The following FSTL5 variants were observed in gnomAD, a reference collection of about 807,000 sequenced individuals.
The protein encoded by FSTL5 is follistatin like 5, also known as follistatin-related protein 5.
Under a neutral mutation model 89.1 loss-of-function variants are expected in FSTL5, and 62 were observed. The ratio of observed to expected loss-of-function variants is 0.70; its 90% CI spans 0.57 to 0.86. The LOEUF is 0.86. Ranked by LOEUF, FSTL5 falls within the 40% of genes least tolerant of loss-of-function variation. The pLI is 0.00. For synonymous variants in FSTL5, 383 were observed against 346.2 expected (o/e 1.11, Z -1.18); for missense variants, 1,057 against 1,001.6 (o/e 1.06, Z -0.75).
intron 10 of FSTL5, among the ~76,000 whole-genome samples, chr4:161,522,823 T>A (rs1731084981): frequency 1.3e-5 from 2 of 151,698 alleles, no homozygotes; most frequent in South Asian, 4.1e-4. Flanking sequence ...TTATTTGAAG[T>A]TTAAAATATT....
chr4:161,611,441 T>C (rs1734648982), intron 7 of FSTL5, among the ~76,000 whole-genome samples: 1 of 151,888 alleles, frequency 6.6e-6, no homozygotes, highest in South Asian at 2.1e-4. Context: ...CTACGTACAC[T>C]CTTATAGTAA....
intron 3 of FSTL5, among the ~76,000 whole-genome samples, chr4:161,940,535 TA>T (rs528231316): frequency 0.02 from 2,878 of 144,910 alleles, 91 homozygotes; most frequent in African/African-American, 0.067. Flanking sequence ...TTGCCCTATT[TA>T]AAAAAAAAAA....
chr4:162,087,305 A>C (rs2037901303), intron 2 of FSTL5, among the ~76,000 whole-genome samples: 1 of 152,126 alleles, frequency 6.6e-6, no homozygotes, highest in Non-Finnish European at 1.5e-5. Flanking sequence ...GAGCAAAGAA[A>C]TGTTTAACTA....
chr4:162,025,008 G>A (rs559289403), intron 3 of FSTL5, among the ~76,000 whole-genome samples: 10 of 151,862 alleles, frequency 6.6e-5, no homozygotes, highest in African/African-American at 1.9e-4. Flanking sequence ...AGAGAATAAC[G>A]CTTTACTTCC....
chr4:161,696,046 A>G (rs768915531), intron 6 of FSTL5, among the ~76,000 whole-genome samples: 1 of 152,168 alleles, frequency 6.6e-6, no homozygotes, highest in Non-Finnish European at 1.5e-5. Context: ...GCCAATGTCT[A>G]GAAGGGTTTT....
intron 4 of FSTL5, among the ~76,000 whole-genome samples, chr4:161,856,681 T>C (rs1378028983): frequency 6.8e-6 from 1 of 147,284 alleles, no homozygotes; most frequent in Non-Finnish European, 1.5e-5. Context: ...TATATATAAA[T>C]ATGTATATAT....
At chr4:161,562,919 C>T (rs913924568) in intron 8 of FSTL5, among the ~76,000 whole-genome samples, 7 of 151,906 alleles carry the variant, frequency 4.6e-5, no homozygotes, top group Admixed American at 6.6e-5. Context: ...TTGTAGTTGG[C>T]TTATTTCACT....
chr4:161,778,845 A>G (rs7687422), intron 4 of FSTL5, among the ~76,000 whole-genome samples: 2 of 152,034 alleles, frequency 1.3e-5, no homozygotes, highest in Non-Finnish European at 2.9e-5. Context: ...TATTTATCTG[A>G]GTGCACAGGT....
Position 161,807,226 on chromosome 4 carries a change from CACAT to C in FSTL5, c.410-31156_410-31153del, listed in dbSNP as rs1458426375. On this transcript the variant is annotated intron_variant, in intron 4 of 15. Coordinates refer to ENST00000306100, the MANE Select transcript of FSTL5 (RefSeq NM_020116.5). ...ACACACACACACACACACACACACACACATATATATTTGTAGAGATGCAGAGATG... is the reference window on the plus strand; with the variant it reads ...ACACACACACACACACACACACACACATATATTTGTAGAGATGCAGAGATG... 9.4e-5 allele frequency among the ~76,000 whole-genome samples: 13 copies of C among 138,080 alleles called. No individual in the cohort carries two copies. The East Asian group carries it at 1.9e-3, about 20-fold the overall frequency. The allele number at this position is 138,080 out of a possible 152,430, so 90.6% of individuals were successfully genotyped here. A position where few individuals can be genotyped will look rare whatever the true frequency, so the allele number is the denominator to read the frequency against.
At chr4:161,612,760 A>G (rs915555791) in intron 7 of FSTL5, among the ~76,000 whole-genome samples, 3 of 152,196 alleles carry the variant, frequency 2.0e-5, no homozygotes, top group African/African-American at 7.2e-5. Flanking sequence ...GGAGTTGTAG[A>G]GAACAGTATT....
chr4:161,587,596 C>T (rs758725849), intron 7 of FSTL5, 21 bp from the exon 8 acceptor site: 12 of 1,570,920 alleles, frequency 7.6e-6, no homozygotes, highest in Non-Finnish European at 9.5e-6. Flanking sequence ...TAAAATAAAA[C>T]AAGGTGTTTG....
intron 3 of FSTL5, among the ~76,000 whole-genome samples, chr4:161,926,190 T>C (rs1382380956): frequency 1.3e-5 from 2 of 152,002 alleles, no homozygotes; most frequent in East Asian, 3.9e-4. Context: ...ATAATTGGGA[T>C]GTGTGTTTCC....
Position 161,840,411 on chromosome 4 carries a change from TA to T in FSTL5, c.410-64338del, listed in dbSNP as rs755901504. Reference sequence around the variant, plus strand: ...ATCTACATATCTAAAACAACCGTTATACTCTGTTTAGAGGGTTATATTATAA... The same window carrying T: ...ATCTACATATCTAAAACAACCGTTATCTCTGTTTAGAGGGTTATATTATAA... On this transcript the variant is annotated intron_variant, in intron 4 of 15. Coordinates refer to ENST00000306100, the MANE Select transcript of FSTL5 (RefSeq NM_020116.5). Among the ~76,000 whole-genome samples the T allele has an allele frequency of 1.2e-4, 18 of 152,338 alleles. No individual in the cohort carries two copies. The South Asian group carries it at 2.3e-3, about 19-fold the overall frequency.
chr4:161,665,097 C>A (rs1479727997), intron 6 of FSTL5, among the ~76,000 whole-genome samples: 3 of 152,154 alleles, frequency 2.0e-5, no homozygotes, highest in Non-Finnish European at 4.4e-5. Flanking sequence ...ATGTCAGTCA[C>A]TTAACAATGA....
At chr4:161,592,780 T>A (rs1733870406) in intron 7 of FSTL5, among the ~76,000 whole-genome samples, 1 of 152,274 alleles carries the variant, frequency 6.6e-6, no homozygotes, top group Admixed American at 6.5e-5. Context: ...ATCCTTTGGG[T>A]ATAACCCAGC....
intron 2 of FSTL5, among the ~76,000 whole-genome samples, chr4:162,077,878 C>A (rs1435716403): frequency 1.3e-5 from 2 of 151,806 alleles, no homozygotes; most frequent in East Asian, 3.9e-4. Flanking sequence ...TTAAACAAAG[C>A]ACTCAAGTTG....
At chr4:161,402,438 C>CACAT (rs1731215489) in intron 15 of FSTL5, among the ~76,000 whole-genome samples, 1 of 152,048 alleles carries the variant, frequency 6.6e-6, no homozygotes, top group Admixed American at 6.6e-5. Context: ...GAAACAATGC[C>CACAT]ACATTGTGTT....
chr4:162,114,484 C>G (rs1045107192), intron 1 of FSTL5, among the ~76,000 whole-genome samples: 2 of 151,604 alleles, frequency 1.3e-5, no homozygotes, highest in African/African-American at 4.8e-5. Flanking sequence ...TGCCCTCCCT[C>G]TCCTTTTCTC....
chr4:161,826,422 T>C (rs910869227), intron 4 of FSTL5, among the ~76,000 whole-genome samples: 3 of 151,178 alleles, frequency 2.0e-5, no homozygotes, highest in African/African-American at 7.4e-5. Context: ...AAATCCATTG[T>C]TTTTTTTGTT....
Sources: allele counts gnomAD v4.1 joint callset (sites outside exome capture counted in the v4.1 genomes callset), GRCh38; gene constraint gnomAD v4.1.1; transcripts MANE v1.5; gene names NCBI Gene and HGNC (gene_info 2026-07-23, HGNC 2026-07-21).